AZI2: variants seen among roughly 807,000 people sequenced by gnomAD.
AZI2 encodes the protein 5-azacytidine induced 2.
In AZI2, 22 loss-of-function variants were observed where a neutral mutation model predicts 45.8. The observed-to-expected ratio is 0.48, with a 90% confidence interval of 0.34 to 0.69. The LOEUF (loss-of-function observed/expected upper bound fraction) is 0.69. Ranked by LOEUF, AZI2 falls within the 30% of genes least tolerant of loss-of-function variation. The pLI is 0.01. For missense variants in AZI2, 417 were observed against 441.5 expected, an observed-to-expected ratio of 0.94 and a Z score of 0.50; for synonymous variants, 137 against 156.7, an observed-to-expected ratio of 0.87 and a Z score of 0.94.
At chr3:28,339,963 G>A (rs34311197) in intron 2 of AZI2, among the ~76,000 whole-genome samples, 32,460 of 152,028 alleles carry the variant, frequency 0.21, 4,143 homozygotes, top group Middle Eastern at 0.29. Flanking sequence ...CCTATTACAT[G>A]TGTTAAAGAA....
At chr3:28,336,963 G>A (rs1409037086) in intron 4 of AZI2, 78 bp from the exon 5 acceptor site, 9 of 1,418,052 alleles carry the variant, frequency 6.3e-6, no homozygotes, top group Non-Finnish European at 7.7e-6. Context: ...GGTTATTCTG[G>A]TAAAATGTAG....
chr3:28,322,669 C>G lies in AZI2; in HGVS notation c.*1373G>C, dbSNP rs1465958042. On this transcript the variant is annotated 3_prime_UTR_variant, in exon 8 of 8. Coordinates refer to ENST00000479665, the MANE Select transcript of AZI2 (RefSeq NM_022461.5). ...TTACTTGGCAGGAGATTGTACTCCC[C>G]TGAGTCAGCTGTGTTCATTGGTCAG... 3.3e-5 allele frequency: 5 copies of G among 151,166 alleles called. No individual in the cohort carries two copies. Among genetic ancestry groups the G allele is most frequent in the Non-Finnish European group, 5.9e-5 (4 of 67,264 alleles). 9.4% of individuals were successfully genotyped at this position (151,166 alleles called of 1,614,324 possible). A position where few individuals can be genotyped will look rare whatever the true frequency, so the allele number is the denominator to read the frequency against.
chr3:28,341,210 T>C lies in AZI2; in HGVS notation c.-5-588A>G, dbSNP rs1254836692. On this transcript the variant is annotated intron_variant, in intron 1 of 7. Transcript: ENST00000479665. Reference sequence around the variant, plus strand: ...AATTAACATTTGAGTGTCCAATATGTCCCACTATAATGCACTACATTCTTT... The same window carrying C: ...AATTAACATTTGAGTGTCCAATATGCCCCACTATAATGCACTACATTCTTT... Among the ~76,000 whole-genome samples, 4 of 152,118 alleles carry C rather than the reference T, an allele frequency of 2.6e-5. No homozygotes were observed. In the East Asian group the frequency reaches 7.7e-4, roughly 29 times the overall value.
intron 1 of AZI2, among the ~76,000 whole-genome samples, chr3:28,341,867 C>G (rs1447751395): frequency 6.6e-6 from 1 of 152,084 alleles, no homozygotes; most frequent in Admixed American, 6.6e-5. Context: ...ATATCAGTCA[C>G]TGTTCAAGAA....
chr3:28,341,947 A>G (rs188348229), intron 1 of AZI2, among the ~76,000 whole-genome samples: 1 of 152,150 alleles, frequency 6.6e-6, no homozygotes, highest in Admixed American at 6.6e-5. Context: ...GTAAGTGGAG[A>G]GTTGAGATGT....
chr3:28,331,711 G>A, intron 6 of AZI2: 2 of 1,346,872 alleles, frequency 1.5e-6, no homozygotes, highest in East Asian at 2.6e-5. Context: ...TTTTTTATTG[G>A]ATGGAGGGTA....
chr3:28,336,485 T>C (rs1005253489), intron 5 of AZI2, among the ~76,000 whole-genome samples: 1 of 152,050 alleles, frequency 6.6e-6, no homozygotes, highest in Admixed American at 6.6e-5. Context: ...AATAAACTAA[T>C]AAGCTTACTA....
rs1703181571 is a variant in AZI2 at position 28,321,317 on chromosome 3, T to C, written c.*2725A>G. On this transcript the variant is annotated 3_prime_UTR_variant, in exon 8 of 8. Transcript: ENST00000479665. ...TGGAAGAGTTACTTTAAGAAGCTAG[T>C]GAAATATACAATCTATTTTATAGCT... The C allele has an allele frequency of 6.6e-6, 1 of 151,410 alleles. No homozygotes were observed. The highest frequency in any genetic ancestry group is 1.5e-5 in the Non-Finnish European group (1 of 67,562). The allele number at this position is 151,410 out of a possible 1,614,324, so 9.4% of individuals were successfully genotyped here. A position where few individuals can be genotyped will look rare whatever the true frequency, so the allele number is the denominator to read the frequency against.
intron 4 of AZI2, among the ~76,000 whole-genome samples, chr3:28,337,470 G>A (rs1014471792): frequency 6.6e-6 from 1 of 152,028 alleles, no homozygotes; most frequent in Non-Finnish European, 1.5e-5. Context: ...CATGGGAGCA[G>A]GCTATTTATC....
chr3:28,336,972 A>T, intron 4 of AZI2, 87 bp from the exon 5 acceptor site: 1 of 1,345,144 alleles, frequency 7.4e-7, no homozygotes, highest in South Asian at 1.4e-5. Context: ...GGTAAAATGT[A>T]GATAATAGAA....
intron 6 of AZI2, 28 bp downstream of exon 6, chr3:28,332,341 T>C: frequency 6.3e-7 from 1 of 1,577,090 alleles, no homozygotes; most frequent in Non-Finnish European, 8.7e-7. Flanking sequence ...AGACAACGTA[T>C]TGTCTTAATG....
At position 28,321,715 on chromosome 3, in the gene AZI2, C is replaced by CATTT; in HGVS notation, c.*2323_*2326dup. 1 of 151,330 alleles carries CATTT rather than the reference C, an allele frequency of 6.6e-6. No individual in the cohort carries two copies. The highest frequency in any genetic ancestry group is 2.1e-4 in the South Asian group (1 of 4,826). 9.4% of individuals were successfully genotyped at this position (151,330 alleles called of 1,614,324 possible). A position where few individuals can be genotyped will look rare whatever the true frequency, so the allele number is the denominator to read the frequency against. ...TCAGCTCTTCAAGTCTGAATTTTCC[C>CATTT]ATTTATTTTGGTTTTCTAATGTTTC... On this transcript the variant is annotated 3_prime_UTR_variant, in exon 8 of 8. Coordinates refer to ENST00000479665, the MANE Select transcript of AZI2 (RefSeq NM_022461.5).
intron 5 of AZI2, among the ~76,000 whole-genome samples, chr3:28,332,752 A>C (rs544933015): frequency 1.2e-4 from 18 of 151,916 alleles, no homozygotes; most frequent in African/African-American, 4.3e-4. Context: ...AAAAAGTGTT[A>C]CACATTTGTC....
chr3:28,338,832 G>A (rs781343803), intron 2 of AZI2, among the ~76,000 whole-genome samples: 4 of 152,034 alleles, frequency 2.6e-5, no homozygotes, highest in Non-Finnish European at 5.9e-5. Context: ...TACATAATCA[G>A]TATTTTATAA....
At chr3:28,343,256 T>C (rs1704095408) in intron 1 of AZI2, among the ~76,000 whole-genome samples, 1 of 152,090 alleles carries the variant, frequency 6.6e-6, no homozygotes, top group Admixed American at 6.6e-5. Flanking sequence ...AAGACTGTAC[T>C]CTCATGTGAA....
In AZI2 at chr3:28,334,460, A is replaced by G. The variant is rs571728098; in HGVS notation, c.589-2033T>C. Among the ~76,000 whole-genome samples, 23 of 151,936 alleles carry G rather than the reference A, an allele frequency of 1.5e-4. No individual in the cohort carries two copies. In the South Asian group the frequency reaches 4.1e-3, roughly 27 times the overall value. On this transcript the variant is annotated intron_variant, in intron 5 of 7. Transcript: ENST00000479665. ...TTTCCACTCTTCCTTTTCTTTGTTC[A>G]TTTCTTTTAGTTGTGAGTGAGCCCT... is the stretch of plus-strand genomic sequence containing the variant.
rs1703228515 is a variant in AZI2 at position 28,322,830 on chromosome 3, G to T, written c.*1212C>A. ...TGCTATTCAGTAATACAGTAGAAGA[G>T]ATCTGAGATATTGAGTTCAAGATAT... On this transcript the variant is annotated 3_prime_UTR_variant, in exon 8 of 8. Coordinates refer to ENST00000479665, the MANE Select transcript of AZI2 (RefSeq NM_022461.5). 1 of 148,996 alleles carries T rather than the reference G, an allele frequency of 6.7e-6. No homozygotes were observed. The highest frequency in any genetic ancestry group is 1.9e-4 in the East Asian group (1 of 5,158). The allele number at this position is 148,996 out of a possible 1,614,324, so 9.2% of individuals were successfully genotyped here.
chr3:28,344,977 C>T (rs1419554035), intron 1 of AZI2, among the ~76,000 whole-genome samples: 3 of 152,112 alleles, frequency 2.0e-5, no homozygotes, highest in African/African-American at 7.2e-5. Context: ...ATGTATTCCA[C>T]AGGGACATTC....
chr3:28,340,447 T>C lies in AZI2; in HGVS notation c.171A>G (p.Lys57=), dbSNP rs1305802784. The part of the protein sequence containing the change: ...DIKKRLKDSE[K]ENSLLKKRIR... The stretch of plus-strand genomic sequence containing the variant: ...TTCTCTTCTTTAACAAAGAGTTCTC[T>C]TTCTCTGAATCCTTAAGTCGTTTTT... The change falls in exon 2 of 8, where the codon AAA becomes AAG. Residue 57 remains lysine (K), a synonymous_variant. Coordinates refer to ENST00000479665, the MANE Select transcript of AZI2 (RefSeq NM_022461.5). 1 of 1,611,918 alleles carries C rather than the reference T, an allele frequency of 6.2e-7. No homozygotes were observed. The highest frequency in any genetic ancestry group is 1.3e-5 in the African/African-American group (1 of 74,998).
Sources: gnomAD v4.1 joint callset for allele counts (sites outside exome capture counted in the v4.1 genomes callset) on GRCh38, gnomAD v4.1.1 for gene constraint, MANE v1.5 for transcripts, NCBI Gene and HGNC (gene_info 2026-07-23, HGNC 2026-07-21) for gene names.